EPS8: variants seen among roughly 807,000 people sequenced by gnomAD.
The protein encoded by EPS8 is EGFR pathway substrate 8, signaling adaptor.
A neutral mutation model predicts 103.8 loss-of-function variants in EPS8; 42 were observed. The observed-to-expected ratio is 0.40, with a 90% CI of 0.32 to 0.52. The LOEUF (loss-of-function observed/expected upper bound fraction) is 0.52. EPS8 is among the 20% of genes least tolerant of loss of function. The probability of loss-of-function intolerance (pLI) is 0.40; values close to 1 mark genes in which losing one functional copy is unlikely to be tolerated. For missense variants in EPS8, 969 were observed against 1,005.1 expected (o/e 0.96, Z 0.49); for synonymous variants, 344 against 344.6 (o/e 1.00, Z 0.02).
At chr12:15,662,150 A>C in intron 8 of EPS8, 51 bp from the exon 9 acceptor site, 2 of 1,567,154 alleles carry the variant, frequency 1.3e-6, no homozygotes, top group Non-Finnish European at 1.8e-6. Context: ...CCACAATACC[A>C]ATACAGACAA....
rs1946928103 is a variant in EPS8, at chr12:15,751,212, G to A, written c.-22+37949C>T. 6.6e-6 allele frequency among the ~76,000 whole-genome samples: 1 copy of A among 152,092 alleles called. No homozygotes were observed. The highest frequency in any genetic ancestry group is 2.1e-4 in the South Asian group (1 of 4,816). On this transcript the variant is annotated intron_variant, in intron 1 of 20. Transcript: ENST00000281172. This position sits in a 1 kb window ranked among gnomAD's most constrained non-coding sequence, Gnocchi z 4.3. ...GTCTCTACTAAAAATATAAAAATTA[G>A]CCACACGTAGTGGTGTGTGCCTGTA...
At chr12:15,744,523 CTCTTTCAAGAT>C (rs778789788) in intron 1 of EPS8, among the ~76,000 whole-genome samples, 2 of 152,204 alleles carry the variant, frequency 1.3e-5, no homozygotes, top group Non-Finnish European at 2.9e-5. Flanking sequence ...ATTCTCATGA[CTCTTTCAAGAT>C]TCCAGGCTCT....
rs1947301717 is a variant in EPS8 at position 15,785,416 on chromosome 12, A to G, written c.-22+3745T>C. ...TAAGCAAATGTATGGCAGATGGTGC[A>G]AACCAGGTTTCTTCTCACTGTTGGA... On this transcript the variant is annotated intron_variant, in intron 1 of 20. Coordinates refer to ENST00000281172, the MANE Select transcript of EPS8 (RefSeq NM_004447.6). The surrounding 1 kb of genome is among the most constrained non-coding windows in gnomAD (Gnocchi z 4.9). Among the ~76,000 whole-genome samples the G allele has an allele frequency of 6.6e-6, 1 of 152,162 alleles. No homozygotes were observed. Among genetic ancestry groups the G allele is most frequent in the African/African-American group, 2.4e-5 (1 of 41,462 alleles).
Position 15,665,746 on chromosome 12 carries a change from G to A in EPS8, c.736+10C>T, listed in dbSNP as rs778388265. ...AGTGTTCAATAAGTATTAATTCTAG[G>A]AAGACTCACAGTCCCCTTGGTCGGC... On this transcript the variant is annotated intron_variant, in intron 8 of 20. Coordinates refer to ENST00000281172, the MANE Select transcript of EPS8 (RefSeq NM_004447.6). 3 of 1,613,212 alleles carry A rather than the reference G, an allele frequency of 1.9e-6. No homozygotes were observed. The highest frequency in any genetic ancestry group is 4.5e-5 in the East Asian group (2 of 44,856).
Position 15,738,161 on chromosome 12 carries a change from TCTAA to T in EPS8, c.-22+50996_-22+50999del, listed in dbSNP as rs1222010704. Among the ~76,000 whole-genome samples the T allele has an allele frequency of 6.6e-6, 1 of 152,164 alleles. No individual in the cohort carries two copies. The highest frequency in any genetic ancestry group is 1.5e-5 in the Non-Finnish European group (1 of 68,004). On this transcript the variant is annotated intron_variant, in intron 1 of 20. Coordinates refer to ENST00000281172, the MANE Select transcript of EPS8 (RefSeq NM_004447.6). This position sits in a 1 kb window ranked among gnomAD's most constrained non-coding sequence, Gnocchi z 6.2. ...GTAGCTAATATTTTAATTGTGAATA[TCTAA>T]CTATTATTCTAATTAATATCACTTT...
chr12:15,709,359 G>T (rs1946431095), intron 1 of EPS8, among the ~76,000 whole-genome samples: 1 of 152,030 alleles, frequency 6.6e-6, no homozygotes, highest in Admixed American at 6.6e-5. Context: ...TAATGGCAGT[G>T]GTCAGTAAAC....
In EPS8 at chr12:15,748,400, G is replaced by C. The variant is rs1006121410; in HGVS notation, c.-22+40761C>G. ...AACTAAAGTGATGAGGATTAGAAAG[G>C]AAAGAATTATCCTCAATAATATCAA... On this transcript the variant is annotated intron_variant, in intron 1 of 20. Coordinates refer to ENST00000281172, the MANE Select transcript of EPS8 (RefSeq NM_004447.6). The surrounding 1 kb of genome is among the most constrained non-coding windows in gnomAD (Gnocchi z 4.8). Among the ~76,000 whole-genome samples, 1 of 151,956 alleles carries C rather than the reference G, an allele frequency of 6.6e-6. No homozygotes were observed. The highest frequency in any genetic ancestry group is 1.9e-4 in the East Asian group (1 of 5,190).
intron 14 of EPS8, among the ~76,000 whole-genome samples, chr12:15,647,857 T>A (rs1055894786): frequency 1.2e-4 from 18 of 152,262 alleles, no homozygotes; most frequent in Admixed American, 1.2e-3. Flanking sequence ...TCCCCAACCT[T>A]TTTGGCAGCA....
intron 8 of EPS8, 82 bp from the exon 9 acceptor site, chr12:15,662,181 A>G: frequency 6.4e-7 from 1 of 1,557,602 alleles, no homozygotes; most frequent in Non-Finnish European, 8.8e-7. Flanking sequence ...AAAATTAGTT[A>G]AAAAGGAGGA....
intron 17 of EPS8, among the ~76,000 whole-genome samples, chr12:15,633,449 C>T (rs927017119): frequency 6.6e-6 from 1 of 152,134 alleles, no homozygotes; most frequent in African/African-American, 2.4e-5. Flanking sequence ...AACAAAAATG[C>T]CATGAGCCCT....
At position 15,699,894 on chromosome 12, in the gene EPS8, G is replaced by C. The variant is rs372117585; in HGVS notation, c.-21-16922C>G. On this transcript the variant is annotated intron_variant, in intron 1 of 20. Coordinates refer to ENST00000281172, the MANE Select transcript of EPS8 (RefSeq NM_004447.6). The stretch of plus-strand genomic sequence containing the variant: ...CCTTAGGCCAGGTGCGGTGGCTCAC[G>C]CCTGTAATGCCAGCACTTTGGGAGG... Among the ~76,000 whole-genome samples the C allele has an allele frequency of 7.6e-4, 116 of 152,246 alleles. 1 individual carries two copies. The highest frequency in any genetic ancestry group is 2.6e-3 in the African/African-American group (110 of 41,554).
intron 1 of EPS8, among the ~76,000 whole-genome samples, chr12:15,685,725 C>T (rs1946084781): frequency 2.0e-5 from 3 of 152,050 alleles, no homozygotes; most frequent in African/African-American, 4.8e-5. Context: ...TTTCAAATAC[C>T]CAATTTGAGC....
chr12:15,624,553 G>A (rs1012294008), intron 18 of EPS8, 146 bp from the exon 19 acceptor site: 55 of 538,826 alleles, frequency 1.0e-4, no homozygotes, highest in East Asian at 6.1e-4. Context: ...ATCCTCGCCT[G>A]GTATAAATGC....
At chr12:15,788,016 G>A (rs2136063454) in intron 1 of EPS8, 1 of 152,302 alleles carries the variant, frequency 6.6e-6, no homozygotes, top group Non-Finnish European at 1.5e-5. Context: ...AGGAGCTGTG[G>A]AAGAATGGAG....
intron 17 of EPS8, chr12:15,634,642 A>C: frequency 2.5e-6 from 1 of 397,940 alleles, no homozygotes; most frequent in Non-Finnish European, 4.4e-6. Flanking sequence ...AGTGAAAACT[A>C]AGCACAGCTG....
Position 15,752,789 on chromosome 12 carries a change from G to A in EPS8, c.-22+36372C>T, listed in dbSNP as rs536310644. ...ATTAATTGTAATAACAGTAATAATTGTAATGCCTCTTTATATTTATCAGTC... is the reference window on the plus strand; with the variant it reads ...ATTAATTGTAATAACAGTAATAATTATAATGCCTCTTTATATTTATCAGTC... On this transcript the variant is annotated intron_variant, in intron 1 of 20. Transcript: ENST00000281172. The surrounding 1 kb of genome is among the most constrained non-coding windows in gnomAD (Gnocchi z 4.4). Among the ~76,000 whole-genome samples, 60 of 152,140 alleles carry A rather than the reference G, an allele frequency of 3.9e-4. No homozygotes were observed. Among genetic ancestry groups the A allele is most frequent in the Middle Eastern group, 6.8e-3 (2 of 292 alleles).
intron 1 of EPS8, among the ~76,000 whole-genome samples, chr12:15,729,233 G>A (rs924688998): frequency 6.6e-6 from 1 of 152,046 alleles, no homozygotes; most frequent in Non-Finnish European, 1.5e-5. Context: ...AGATTTTTTG[G>A]TGTTTGTCCT....
At chr12:15,703,857 T>TTG in intron 1 of EPS8, among the ~76,000 whole-genome samples, 1 of 145,970 alleles carries the variant, frequency 6.9e-6, no homozygotes, top group Non-Finnish European at 1.5e-5. Context: ...GTTTTTTTTT[T>TTG]TTTTTTTTTT....
chr12:15,722,346 C>T (rs965777401), intron 1 of EPS8, among the ~76,000 whole-genome samples: 1 of 152,040 alleles, frequency 6.6e-6, no homozygotes, highest in Non-Finnish European at 1.5e-5. Context: ...AATTATGTAA[C>T]TAATCTTTCC....
Sources: gnomAD v4.1 joint callset for allele counts (sites outside exome capture counted in the v4.1 genomes callset) on GRCh38, gnomAD v4.1.1 for gene constraint, Gnocchi (gnomAD v3.1) non-coding constraint, MANE v1.5 for transcripts, NCBI Gene and HGNC (gene_info 2026-07-23, HGNC 2026-07-21) for gene names.